SLC50A1: variants seen among roughly 807,000 people sequenced by gnomAD.
SLC50A1 encodes sugar transporter SWEET1.
Under a neutral mutation model 28.9 loss-of-function variants are expected in SLC50A1, and 22 were observed. The observed-to-expected ratio is 0.76, with a 90% CI of 0.54 to 1.09. The LOEUF is 1.09. SLC50A1 is among the 50% of genes least tolerant of loss of function. The probability of loss-of-function intolerance (pLI) is 0.00; values close to 1 mark genes in which losing one functional copy is unlikely to be tolerated. For synonymous variants in SLC50A1, 96 were observed against 110.6 expected, an observed-to-expected ratio of 0.87 and a Z score of 0.83; for missense variants, 233 against 273.4, an observed-to-expected ratio of 0.85 and a Z score of 1.04.
At position 155,136,899 on chromosome 1, in the gene SLC50A1, C is replaced by G; in HGVS notation, c.230C>G (p.Ala77Gly). 1 of 1,614,216 alleles carries G rather than the reference C, an allele frequency of 6.2e-7. No individual in the cohort carries two copies. The highest frequency in any genetic ancestry group is 1.7e-5 in the Admixed American group (1 of 60,028). Residue 77 changes from alanine (A) to glycine (G), a missense_variant, in exon 3 of 6, where the codon GCT becomes GGT. By Grantham distance (60) the Ala-to-Gly change is moderately conservative. Transcript: ENST00000368404. The part of the protein sequence containing the change: ...GILIVVNTVG[A>G]ALQTLYILAY... ...CTCATCGTCGTCAACACAGTGGGTG[C>G]TGCGCTTCAGACCCTGTATATCTTG...
intron 3 of SLC50A1, 139 bp from the exon 4 acceptor site, chr1:155,137,422 A>G: frequency 1.0e-6 from 1 of 968,594 alleles, no homozygotes; most frequent in Non-Finnish European, 1.5e-6. Flanking sequence ...GGTGGTGGGA[A>G]AGAAGCTGTG....
upstream of SLC50A1, chr1:155,135,648 C>T (rs1439300900): frequency 1.9e-6 from 3 of 1,550,258 alleles, no homozygotes; most frequent in Non-Finnish European, 2.6e-6. Context: ...CCCGCGGAGC[C>T]CTAGGAAGGG....
At position 155,137,073 on chromosome 1, in the gene SLC50A1, A is replaced by G. The variant is rs1324784355; in HGVS notation, c.282+122A>G. On this transcript the variant is annotated intron_variant, in intron 3 of 5. Coordinates refer to ENST00000368404, the MANE Select transcript of SLC50A1 (RefSeq NM_018845.4). ...CCACCTTTTCCAGGAAGGCCTCTCC[A>G]GCCTTGCAGGTCCCCTTCCTCTATG... 4 of 1,301,086 alleles carry G rather than the reference A, an allele frequency of 3.1e-6. No homozygotes were observed. The African/African-American group carries it at 5.9e-5, about 19-fold the overall frequency. 80.6% of individuals were successfully genotyped at this position (1,301,086 alleles called of 1,614,324 possible).
rs1161908975 is a variant in SLC50A1, at chr1:155,135,989, C to T, written c.78C>T (p.Gly26=). The part of the protein sequence containing the change: ...VVFTLGMFSA[G]LSDLRHMRMT... ...TCACCCTTGGCATGTTCTCCGCCGG[C>T]CTGTGAGAGTGCGGCCGGGCTGGGT... The change falls in exon 1 of 6, where the codon GGC becomes GGT. Residue 26 remains glycine, a splice_region_variant and synonymous_variant. Transcript: ENST00000368404. 2 of 1,614,056 alleles carry T rather than the reference C, an allele frequency of 1.2e-6. No individual in the cohort carries two copies. Among genetic ancestry groups the T allele is most frequent in the Non-Finnish European group, 1.7e-6 (2 of 1,179,992 alleles).
chr1:155,137,414 TG>T, intron 3 of SLC50A1, 146 bp from the exon 4 acceptor site: 1 of 872,362 alleles, frequency 1.1e-6, no homozygotes, highest in Non-Finnish European at 1.8e-6. Context: ...ATCAAGTTGG[TG>T]GTGGGAAAGA....
Position 155,138,229 on chromosome 1 carries a change from T to C in SLC50A1, c.614T>C (p.Phe205Ser). 6.2e-7 allele frequency: 1 copy of C among 1,614,194 alleles called. No homozygotes were observed. Among genetic ancestry groups the C allele is most frequent in the Non-Finnish European group, 8.5e-7 (1 of 1,180,042 alleles). The part of the protein sequence containing the change: ...IVTSFIRFWL[F>S]WKYPQEQDRN... ...ACCAGCTTTATCCGCTTCTGGCTTT[T>C]CTGGAAGTACCCCCAGGAGCAAGAC... Residue 205 changes from phenylalanine to serine, a missense_variant, in exon 6 of 6, where the codon TTC (phenylalanine) becomes TCC (serine). Coordinates refer to ENST00000368404, the MANE Select transcript of SLC50A1 (RefSeq NM_018845.4).
chr1:155,136,431 G>A (rs1459213499), intron 2 of SLC50A1, 55 bp downstream of exon 2: 4 of 1,510,462 alleles, frequency 2.6e-6, no homozygotes, highest in Non-Finnish European at 2.7e-6. Flanking sequence ...AGGTGGGGGC[G>A]GGGCAGGAGG....
chr1:155,136,709 C>T, intron 2 of SLC50A1, 119 bp from the exon 3 acceptor site: 2 of 1,412,878 alleles, frequency 1.4e-6, no homozygotes, highest in Non-Finnish European at 1.9e-6. Flanking sequence ...TGCCACCGCA[C>T]TCCAGCCTGG....
At chr1:155,135,695 A>T, upstream of SLC50A1, 1 of 1,550,192 alleles carries the variant, frequency 6.5e-7, no homozygotes, top group Non-Finnish European at 8.7e-7. Flanking sequence ...GGACCAGGGT[A>T]CTGGGAAGGC....
At chr1:155,136,264 C>T (rs1158075827) in intron 1 of SLC50A1, 35 bp from the exon 2 acceptor site, 13 of 1,368,988 alleles carry the variant, frequency 9.5e-6, no homozygotes, top group Non-Finnish European at 1.3e-5. Context: ...TTCTCCCTTC[C>T]CACCCCCACC....
Position 155,137,977 on chromosome 1 carries a change from A to G in SLC50A1, c.445-2A>G, listed in dbSNP as rs1424450881. ...AAGAGAGTCTTCCATTCTTTCCCAC[A>G]GGCTAAGGTGATTCAAACTAAATCA... On this transcript the variant is annotated splice_acceptor_variant, in intron 4 of 5. Coordinates refer to ENST00000368404, the MANE Select transcript of SLC50A1 (RefSeq NM_018845.4). LOFTEE classifies it high-confidence loss of function. 1 of 1,614,144 alleles carries G rather than the reference A, an allele frequency of 6.2e-7. No homozygotes were observed. Among genetic ancestry groups the G allele is most frequent in the Admixed American group, 1.7e-5 (1 of 60,014 alleles).
chr1:155,138,455 C>A lies in SLC50A1; in HGVS notation c.*174C>A. 1.7e-6 allele frequency: 1 copy of A among 604,408 alleles called. No homozygotes were observed. The highest frequency in any genetic ancestry group is 2.9e-6 in the Non-Finnish European group (1 of 344,556). 37.4% of individuals were successfully genotyped at this position (604,408 alleles called of 1,614,324 possible). On this transcript the variant is annotated 3_prime_UTR_variant, in exon 6 of 6. Transcript: ENST00000368404. ...CTTTACTTAGATGATTGATTGGGGC[C>A]TAGGAGATGAAATCACTTTTTATTT...
At chr1:155,135,679 A>C, upstream of SLC50A1, 2 of 1,550,270 alleles carry the variant, frequency 1.3e-6, no homozygotes, top group Admixed American at 2.0e-5. Flanking sequence ...GACATGGAAG[A>C]GGTCTGGACC....
chr1:155,136,549 C>T (rs1664494935), intron 2 of SLC50A1, 173 bp downstream of exon 2: 1 of 703,390 alleles, frequency 1.4e-6, no homozygotes, highest in Admixed American at 2.7e-5. Flanking sequence ...CCAGACCATC[C>T]TGGCTAACAC....
In SLC50A1 at chr1:155,137,554, C is replaced by G. The variant is rs371191942; in HGVS notation, c.283-7C>G. 3.1e-6 allele frequency: 5 copies of G among 1,613,726 alleles called. No homozygotes were observed. The African/African-American group carries it at 5.3e-5, about 17-fold the overall frequency. ...ATCTGGAAGTAAGGGTACTCTCTCC[C>G]CTGCAGCGTGTTGTGCTCCTACAGA... is the stretch of plus-strand genomic sequence containing the variant. On this transcript the variant is annotated splice_polypyrimidine_tract_variant and splice_region_variant and intron_variant, in intron 3 of 5. Transcript: ENST00000368404.
In SLC50A1 at chr1:155,135,858, C is replaced by G. The variant is rs894208592; in HGVS notation, c.-54C>G. The G allele has an allele frequency of 3.1e-6, 5 of 1,610,220 alleles. No individual in the cohort carries two copies. The South Asian group carries it at 5.5e-5, about 18-fold the overall frequency. On this transcript the variant is annotated 5_prime_UTR_variant, in exon 1 of 6. Coordinates refer to ENST00000368404, the MANE Select transcript of SLC50A1 (RefSeq NM_018845.4). Reference sequence around the variant, plus strand: ...CGCAGGTCTGGGCTGCAGTAGGTCCCGGCAACCGCAGGCTCGCGGCGGGCG... The same window carrying G: ...CGCAGGTCTGGGCTGCAGTAGGTCCGGGCAACCGCAGGCTCGCGGCGGGCG...
Position 155,135,922 on chromosome 1 carries a change from G to A in SLC50A1, c.11G>A (p.Gly4Asp). MEAGGFLDSLIYGA... is the reference protein window; with the variant it reads MEADGFLDSLIYGA... ...CCGACTCTAGTCGTAATGGAGGCGGGCGGCTTTCTGGACTCGCTCATTTAC... is the reference window on the plus strand; with the variant it reads ...CCGACTCTAGTCGTAATGGAGGCGGACGGCTTTCTGGACTCGCTCATTTAC... Residue 4 changes from glycine (G) to aspartate (D), a missense_variant, in exon 1 of 6, where the codon GGC becomes GAC. Coordinates refer to ENST00000368404, the MANE Select transcript of SLC50A1 (RefSeq NM_018845.4). 1.2e-6 allele frequency: 2 copies of A among 1,613,978 alleles called. No homozygotes were observed. Among genetic ancestry groups the A allele is most frequent in the South Asian group, 1.1e-5 (1 of 91,080 alleles).
At chr1:155,136,254 T>G in intron 1 of SLC50A1, 45 bp from the exon 2 acceptor site, 1 of 1,329,652 alleles carries the variant, frequency 7.5e-7, no homozygotes, top group Non-Finnish European at 1.1e-6. Flanking sequence ...AGCACTCTGC[T>G]TCTCCCTTCC....
chr1:155,136,567 C>G, intron 2 of SLC50A1, 191 bp downstream of exon 2: 1 of 690,738 alleles, frequency 1.4e-6, no homozygotes, highest in South Asian at 1.9e-5. Context: ...CACGGTGAAA[C>G]CCCGTCTCTA....
Sources: allele counts gnomAD v4.1 joint callset, GRCh38; gene constraint gnomAD v4.1.1; transcripts MANE v1.5; gene names NCBI Gene and HGNC (gene_info 2026-07-23, HGNC 2026-07-21).